Variants in KDM3A observed in about 807,000 individuals in gnomAD.
KDM3A encodes lysine demethylase 3A, also known as lysine-specific demethylase 3A.
In KDM3A, 60 loss-of-function variants were observed where a neutral mutation model predicts 158.0. That is an observed-to-expected ratio of 0.38 (90% confidence interval 0.31 to 0.47). KDM3A has a LOEUF of 0.47. Ranked by LOEUF, KDM3A falls within the 20% of genes least tolerant of loss-of-function variation. The pLI, the probability that KDM3A is intolerant of heterozygous loss-of-function variation, is 0.99. For synonymous variants in KDM3A, 608 were observed against 549.3 expected (o/e 1.11, Z -1.49); for missense variants, 1,319 against 1,574.3 (o/e 0.84, Z 2.74).
intron 19 of KDM3A, chr2:86,484,533 T>C (rs1674091168): frequency 8.2e-6 from 2 of 244,952 alleles, no homozygotes; most frequent in African/African-American, 4.5e-5. Flanking sequence ...TCTGGAACAC[T>C]GTAGAGGAGG....
At chr2:86,485,212 A>T (rs1484756020) in intron 20 of KDM3A, among the ~76,000 whole-genome samples, 183 bp downstream of exon 20, 1 of 152,230 alleles carries the variant, frequency 6.6e-6, no homozygotes, top group Non-Finnish European at 1.5e-5. Flanking sequence ...TGAGATGAAG[A>T]AGTGATTGGC....
At chr2:86,451,795 T>G (rs1162092162) in intron 4 of KDM3A, among the ~76,000 whole-genome samples, 1 of 152,212 alleles carries the variant, frequency 6.6e-6, no homozygotes, top group Non-Finnish European at 1.5e-5. Flanking sequence ...GCTGTCCATT[T>G]ACGGTTGAAA....
chr2:86,483,964 A>C (rs1433728336), intron 18 of KDM3A, 23 bp from the exon 19 acceptor site: 4 of 1,598,070 alleles, frequency 2.5e-6, no homozygotes, highest in African/African-American at 1.3e-5. Flanking sequence ...GTTCAGACTA[A>C]AGTTTTCCTT....
intron 5 of KDM3A, among the ~76,000 whole-genome samples, chr2:86,455,972 A>G (rs1005680209): frequency 2.4e-4 from 36 of 151,242 alleles, no homozygotes; most frequent in African/African-American, 8.8e-4. Context: ...AAAAAAAAAA[A>G]AGAAAAGAAA....
At chr2:86,456,003 G>C (rs552984470) in intron 5 of KDM3A, among the ~76,000 whole-genome samples, 3 of 150,234 alleles carry the variant, frequency 2.0e-5, no homozygotes, top group African/African-American at 4.9e-5. Flanking sequence ...TTAAAGCTCA[G>C]CTATATTTTG....
chr2:86,449,192 T>G (rs980594728), intron 2 of KDM3A, among the ~76,000 whole-genome samples: 2 of 152,228 alleles, frequency 1.3e-5, no homozygotes, highest in African/African-American at 4.8e-5. Context: ...TGAAAAACTT[T>G]GTGGTCATTT....
chr2:86,469,620 G>A (rs1465019222), intron 10 of KDM3A, among the ~76,000 whole-genome samples: 1 of 152,128 alleles, frequency 6.6e-6, no homozygotes, highest in Non-Finnish European at 1.5e-5. Flanking sequence ...ATCCTGCTTG[G>A]ACCACATGTG....
intron 1 of KDM3A, among the ~76,000 whole-genome samples, chr2:86,441,668 C>T (rs1173274718): frequency 6.6e-6 from 1 of 150,832 alleles, no homozygotes; most frequent in East Asian, 1.9e-4. Flanking sequence ...CCCAGCCGCC[C>T]GGGACCGGCT....
At chr2:86,475,290 C>T (rs937483380) in intron 12 of KDM3A, among the ~76,000 whole-genome samples, 8 of 152,112 alleles carry the variant, frequency 5.3e-5, no homozygotes, top group African/African-American at 1.7e-4. Flanking sequence ...GGGATGAGGT[C>T]TCAGATTGGT....
chr2:86,443,508 G>A (rs1190734154), intron 2 of KDM3A: 1 of 152,186 alleles, frequency 6.6e-6, no homozygotes, highest in Non-Finnish European at 1.5e-5. Flanking sequence ...CTATGATCTC[G>A]TTTAATCCTT....
At chr2:86,490,332 C>T (rs928687304) in intron 23 of KDM3A, 3 of 152,750 alleles carry the variant, frequency 2.0e-5, no homozygotes, top group Non-Finnish European at 2.9e-5. Flanking sequence ...TAGCTGGCCC[C>T]AAGTATGTCT....
At chr2:86,491,799 C>G (rs942404619) in intron 25 of KDM3A, 11 of 526,476 alleles carry the variant, frequency 2.1e-5, no homozygotes, top group Admixed American at 1.3e-4. Flanking sequence ...GTGAGTAGGT[C>G]TACGTGGTAT....
At chr2:86,455,817 G>A (rs1283832350) in intron 5 of KDM3A, among the ~76,000 whole-genome samples, 1 of 151,714 alleles carries the variant, frequency 6.6e-6, no homozygotes, top group African/African-American at 2.4e-5. Flanking sequence ...TTAGCCCGGT[G>A]TGGTGGCACA....
intron 10 of KDM3A, among the ~76,000 whole-genome samples, chr2:86,469,862 C>T (rs748125349): frequency 7.2e-5 from 11 of 152,108 alleles, no homozygotes; most frequent in Non-Finnish European, 1.6e-4. Flanking sequence ...GCCTCGAGAT[C>T]GAGTTTGAAT....
upstream of KDM3A, among the ~76,000 whole-genome samples, chr2:86,440,023 T>C (rs146352513): frequency 1.9e-3 from 287 of 152,324 alleles, no homozygotes; most frequent in Non-Finnish European, 3.1e-3. Flanking sequence ...TTGTAAATAC[T>C]GATGTTTGGA....
At position 86,449,801 on chromosome 2, in the gene KDM3A, G is replaced by C. The variant is rs1262713026; in HGVS notation, c.187-6G>C. On this transcript the variant is annotated splice_polypyrimidine_tract_variant and splice_region_variant and intron_variant, in intron 2 of 25. Coordinates refer to ENST00000312912, the MANE Select transcript of KDM3A (RefSeq NM_018433.6). Reference sequence around the variant, plus strand: ...CTTCCCCCACCCCCCAATTTTGTCTGTCTAGGTGTGTGTGGAATTTGATGG... The same window carrying C: ...CTTCCCCCACCCCCCAATTTTGTCTCTCTAGGTGTGTGTGGAATTTGATGG... 3 of 1,608,498 alleles carry C rather than the reference G, an allele frequency of 1.9e-6. No individual in the cohort carries two copies. Among genetic ancestry groups the C allele is most frequent in the South Asian group, 1.1e-5 (1 of 90,180 alleles).
intron 2 of KDM3A, among the ~76,000 whole-genome samples, chr2:86,449,495 T>G (rs1398318624): frequency 6.6e-6 from 1 of 152,206 alleles, no homozygotes; most frequent in Non-Finnish European, 1.5e-5. Context: ...GATGTCTAAT[T>G]AATGTATGTA....
chr2:86,480,127 CTTCAGCT>C (rs1220244589), intron 15 of KDM3A, 33 bp from the exon 16 acceptor site: 1 of 1,443,408 alleles, frequency 6.9e-7, no homozygotes, highest in Admixed American at 1.8e-5. Context: ...AGCTGTCATT[CTTCAGCT>C]TATGTAAAAT....
intron 1 of KDM3A, among the ~76,000 whole-genome samples, 190 bp from the exon 2 acceptor site, chr2:86,441,828 C>G (rs550283706): frequency 3.4e-4 from 42 of 125,032 alleles, no homozygotes; most frequent in African/African-American, 1.2e-3. Context: ...TCACGCGGCG[C>G]TGGGGCCCGG....
Sources: allele counts gnomAD v4.1 joint callset (sites outside exome capture counted in the v4.1 genomes callset), GRCh38; gene constraint gnomAD v4.1.1; transcripts MANE v1.5; gene names NCBI Gene and HGNC (gene_info 2026-07-23, HGNC 2026-07-21).